ASCC3: variants seen among roughly 807,000 people sequenced by gnomAD.
The protein encoded by ASCC3 is activating signal cointegrator 1 complex subunit 3, also known as ASC-1 complex subunit P200.
In ASCC3, 158 loss-of-function variants were observed where a neutral mutation model predicts 256.3. That is an observed-to-expected ratio of 0.62 (90% confidence interval 0.54 to 0.70). ASCC3 has a LOEUF of 0.70. Among genes scored for constraint, ASCC3 ranks in the 30% least tolerant of loss-of-function variants. ASCC3 has a pLI of 0.00. For synonymous variants in ASCC3, 948 were observed against 883.4 expected (o/e 1.07, Z -1.30); for missense variants, 2,259 against 2,626.0 (o/e 0.86, Z 3.05).
At position 100,581,775 on chromosome 6, in the gene ASCC3, G is replaced by A. The variant is rs1562136450; in HGVS notation, c.5550+7859C>T. 2.6e-4 allele frequency among the ~76,000 whole-genome samples: 39 copies of A among 151,712 alleles called. No homozygotes were observed. In the South Asian group the frequency reaches 8.0e-3, roughly 31 times the overall value. On this transcript the variant is annotated intron_variant, in intron 36 of 41. Transcript: ENST00000369162. ...TGATTTTTGTATAAGGTGTAAGGAA[G>A]GGATCCAGTTTCAGCTTTCTACATA...
At chr6:100,622,048 T>C (rs963087328) in intron 30 of ASCC3, among the ~76,000 whole-genome samples, 2 of 151,964 alleles carry the variant, frequency 1.3e-5, no homozygotes, top group South Asian at 2.1e-4. Flanking sequence ...TGAGAACACA[T>C]GGACATACGG....
At chr6:100,683,471 C>T (rs1017210817) in intron 13 of ASCC3, among the ~76,000 whole-genome samples, 4 of 149,964 alleles carry the variant, frequency 2.7e-5, no homozygotes, top group African/African-American at 9.7e-5. Context: ...TAAAATAAAC[C>T]CTTTTTTTTA....
chr6:100,627,780 TA>T, intron 28 of ASCC3, 61 bp downstream of exon 28: 1 of 1,610,268 alleles, frequency 6.2e-7, no homozygotes, highest in South Asian at 1.1e-5. Context: ...TAATATCTCT[TA>T]AAAGGAATCA....
intron 8 of ASCC3, among the ~76,000 whole-genome samples, chr6:100,797,668 A>G (rs1313189198): frequency 6.6e-6 from 1 of 152,014 alleles, no homozygotes; most frequent in Non-Finnish European, 1.5e-5. Context: ...CATTCCCAAA[A>G]TATTGATACG....
intron 4 of ASCC3, among the ~76,000 whole-genome samples, chr6:100,837,065 A>G (rs1366741494): frequency 6.6e-6 from 1 of 152,118 alleles, no homozygotes; most frequent in Non-Finnish European, 1.5e-5. Context: ...AAATGAGCAA[A>G]AAATCTGAAT....
chr6:100,723,894 ATATT>A (rs1554220133), intron 11 of ASCC3, among the ~76,000 whole-genome samples: 3 of 109,268 alleles, frequency 2.7e-5, no homozygotes, highest in South Asian at 2.9e-4. Context: ...ATATATATAT[ATATT>A]TATAATTATA....
intron 1 of ASCC3, among the ~76,000 whole-genome samples, chr6:100,878,438 G>A (rs1769096261): frequency 2.0e-5 from 3 of 152,016 alleles, no homozygotes; most frequent in Admixed American, 6.5e-5. Context: ...CACAGGGTAA[G>A]GAAGGCTTTT....
chr6:100,689,583 A>G (rs1777739379), intron 13 of ASCC3, among the ~76,000 whole-genome samples: 1 of 152,186 alleles, frequency 6.6e-6, no homozygotes, highest in South Asian at 2.1e-4. Flanking sequence ...AATATTGCTG[A>G]AATTACAATG....
At chr6:100,594,687 T>C (rs115406229) in intron 34 of ASCC3, among the ~76,000 whole-genome samples, 2,276 of 152,154 alleles carry the variant, frequency 0.015, 45 homozygotes, top group African/African-American at 0.052. Context: ...TCTGGGTATA[T>C]ACCCAAAGGA....
intron 34 of ASCC3, 120 bp downstream of exon 34, chr6:100,601,690 A>T: frequency 1.8e-6 from 2 of 1,135,778 alleles, no homozygotes; most frequent in Non-Finnish European, 1.3e-6. Context: ...ACAAATTCAT[A>T]TACCTAGAAT....
At chr6:100,512,290 T>C (rs1773802103) in intron 40 of ASCC3, among the ~76,000 whole-genome samples, 1 of 152,174 alleles carries the variant, frequency 6.6e-6, no homozygotes, top group South Asian at 2.1e-4. Context: ...AAAGTGCCTC[T>C]AGGCCAGTAC....
At chr6:100,727,364 AT>A (rs1249742809) in intron 10 of ASCC3, among the ~76,000 whole-genome samples, 2 of 151,990 alleles carry the variant, frequency 1.3e-5, no homozygotes, top group African/African-American at 2.4e-5. Context: ...CCCAAAAGGA[AT>A]TTTTTGAATT....
At chr6:100,555,984 A>G (rs922309908) in intron 36 of ASCC3, among the ~76,000 whole-genome samples, 21 of 152,326 alleles carry the variant, frequency 1.4e-4, no homozygotes, top group African/African-American at 4.6e-4. Flanking sequence ...CGACAGAGTG[A>G]AACCACATCT....
intron 20 of ASCC3, among the ~76,000 whole-genome samples, chr6:100,649,078 A>G (rs1775531898): frequency 6.6e-6 from 1 of 151,850 alleles, no homozygotes; most frequent in Non-Finnish European, 1.5e-5. Context: ...AAAATGTAAT[A>G]AAGTATAATT....
chr6:100,816,249 C>CA (rs1036053558), intron 4 of ASCC3, among the ~76,000 whole-genome samples: 9 of 152,010 alleles, frequency 5.9e-5, no homozygotes, highest in Admixed American at 5.9e-4. Context: ...ACTAAAAAGT[C>CA]AAAAAATAAC....
chr6:100,522,960 G>C (rs1435482451), intron 37 of ASCC3, among the ~76,000 whole-genome samples: 2 of 146,746 alleles, frequency 1.4e-5, no homozygotes, highest in African/African-American at 5.1e-5. Context: ...ACTTTGCATG[G>C]GGCTCTAAAT....
At position 100,518,161 on chromosome 6, in the gene ASCC3, CAT is replaced by C. The variant is rs753866927; in HGVS notation, c.5776-21_5776-20del. On this transcript the variant is annotated intron_variant, in intron 37 of 41. Coordinates refer to ENST00000369162, the MANE Select transcript of ASCC3 (RefSeq NM_006828.4). ...GCATTGCCTGAACAGGGAAAATGCA[CAT>C]GTTACAAGAATTATATCATGGTACT... The C allele has an allele frequency of 8.1e-6, 13 of 1,613,020 alleles. 1 individual carries two copies. The highest frequency in any genetic ancestry group is 6.6e-5 in the South Asian group (6 of 91,052).
chr6:100,766,508 T>G, intron 10 of ASCC3, 57 bp downstream of exon 10: 1 of 1,524,914 alleles, frequency 6.6e-7, no homozygotes. Context: ...TTAATAATTT[T>G]CACAATTACC....
chr6:100,577,318 G>C (rs1444088446), intron 36 of ASCC3, among the ~76,000 whole-genome samples: 1 of 151,888 alleles, frequency 6.6e-6, no homozygotes, highest in Non-Finnish European at 1.5e-5. Flanking sequence ...TACTAACTGT[G>C]AAAAAGTTAC....
Sources: allele counts gnomAD v4.1 joint callset (sites outside exome capture counted in the v4.1 genomes callset), GRCh38; gene constraint gnomAD v4.1.1; transcripts MANE v1.5; gene names NCBI Gene and HGNC (gene_info 2026-07-23, HGNC 2026-07-21).